Variants in PARD3B observed in about 807,000 individuals in gnomAD.
PARD3B encodes the protein par-3 family cell polarity regulator beta, also known as partitioning defective 3 homolog B.
PARD3B carries 103 observed loss-of-function variants against 130.2 expected under a neutral mutation model. The observed-to-expected ratio is 0.79, with a 90% CI of 0.67 to 0.93. The LOEUF is 0.93. PARD3B is among the 40% of genes least tolerant of loss of function. PARD3B has a pLI of 0.00. For missense variants in PARD3B, 1,609 were observed against 1,499.2 expected (o/e 1.07, Z -1.21); for synonymous variants, 583 against 553.2 (o/e 1.05, Z -0.76).
intron 2 of PARD3B, among the ~76,000 whole-genome samples, chr2:204,690,599 G>T (rs976443481): frequency 6.6e-6 from 1 of 151,988 alleles, no homozygotes; most frequent in African/African-American, 2.4e-5. Context: ...ATCAGTAAGG[G>T]AATGGATTCT....
chr2:204,792,727 G>A (rs2042240297), intron 2 of PARD3B, among the ~76,000 whole-genome samples: 1 of 152,020 alleles, frequency 6.6e-6, no homozygotes, highest in Non-Finnish European at 1.5e-5. Flanking sequence ...ATGAAGTCCT[G>A]GGCTTTCTTA....
intron 18 of PARD3B, among the ~76,000 whole-genome samples, chr2:205,344,185 T>C (rs2043655714): frequency 7.6e-6 from 1 of 130,818 alleles, no homozygotes; most frequent in African/African-American, 2.7e-5. Context: ...GGGAAATGTG[T>C]CAGTTGGTTT....
chr2:204,721,685 T>G (rs897796197), intron 2 of PARD3B, among the ~76,000 whole-genome samples: 6 of 152,138 alleles, frequency 3.9e-5, no homozygotes, highest in African/African-American at 1.4e-4. Context: ...AAAAGAAACT[T>G]GATAAAAATG....
chr2:205,152,398 A>G (rs1231408834), intron 10 of PARD3B, among the ~76,000 whole-genome samples: 2 of 152,208 alleles, frequency 1.3e-5, no homozygotes, highest in Non-Finnish European at 2.9e-5. Flanking sequence ...AGGTATACCA[A>G]TCAGACACAG....
At chr2:205,588,502 T>C (rs1399401383) in intron 22 of PARD3B, among the ~76,000 whole-genome samples, 1 of 150,614 alleles carries the variant, frequency 6.6e-6, no homozygotes, top group Non-Finnish European at 1.5e-5. Flanking sequence ...TTTTCAAGTG[T>C]GAGATTTTGT....
chr2:204,748,425 C>T (rs868848569), intron 2 of PARD3B, among the ~76,000 whole-genome samples: 1 of 152,062 alleles, frequency 6.6e-6, no homozygotes, highest in East Asian at 1.9e-4. Flanking sequence ...GCTATGACCT[C>T]GTGACATTTT....
At chr2:205,559,596 CTTTTTT>C (rs11319522) in intron 22 of PARD3B, among the ~76,000 whole-genome samples, 1 of 72,862 alleles carries the variant, frequency 1.4e-5, no homozygotes, top group Non-Finnish European at 2.8e-5. Flanking sequence ...GAAGTCCAGA[CTTTTTT>C]TTTTTTTTTT....
intron 18 of PARD3B, among the ~76,000 whole-genome samples, chr2:205,388,079 A>G (rs555915687): frequency 6.6e-6 from 1 of 152,242 alleles, no homozygotes; most frequent in East Asian, 1.9e-4. Flanking sequence ...AGTCACCCAC[A>G]TTTCTTTTAA....
In PARD3B at chr2:205,405,093, T is replaced by C. The variant is rs1183366608; in HGVS notation, c.2741+3970T>C. ...CATTTTGCTGCTATATATGGATAGTTTATCTATAGCTACATGTACTGAAAA... is the reference window on the plus strand; with the variant it reads ...CATTTTGCTGCTATATATGGATAGTCTATCTATAGCTACATGTACTGAAAA... On this transcript the variant is annotated intron_variant, in intron 19 of 22. Transcript: ENST00000406610. This position sits in a 1 kb window ranked among gnomAD's most constrained non-coding sequence, Gnocchi z 4.1. 6.6e-6 allele frequency among the ~76,000 whole-genome samples: 1 copy of C among 152,170 alleles called. No individual in the cohort carries two copies. Among genetic ancestry groups the C allele is most frequent in the Admixed American group, 6.5e-5 (1 of 15,276 alleles).
intron 20 of PARD3B, among the ~76,000 whole-genome samples, chr2:205,442,375 C>T (rs1424120520): frequency 5.5e-5 from 8 of 145,084 alleles, no homozygotes; most frequent in African/African-American, 1.6e-4. Flanking sequence ...CGCGGCTAAC[C>T]GCAACCTCTG....
In PARD3B at chr2:205,366,233, G is replaced by A. The variant is rs1044318927; in HGVS notation, c.2631-34780G>A. 2.6e-5 allele frequency among the ~76,000 whole-genome samples: 4 copies of A among 152,162 alleles called. No homozygotes were observed. The highest frequency in any genetic ancestry group is 9.7e-5 in the African/African-American group (4 of 41,422). The stretch of plus-strand genomic sequence containing the variant: ...TACATTCCATAAGCACCCATACACT[G>A]ATGGAAAGTGGAGACAGCCCATAGC... On this transcript the variant is annotated intron_variant, in intron 18 of 22. Transcript: ENST00000406610. The surrounding 1 kb of genome is among the most constrained non-coding windows in gnomAD (Gnocchi z 5.0).
intron 1 of PARD3B, among the ~76,000 whole-genome samples, chr2:204,560,796 G>C (rs1344687135): frequency 2.0e-5 from 3 of 152,092 alleles, no homozygotes; most frequent in Non-Finnish European, 4.4e-5. Flanking sequence ...GATTGCGCTA[G>C]AGAGTGGAGA....
At chr2:205,358,647 A>G (rs1331882770) in intron 18 of PARD3B, among the ~76,000 whole-genome samples, 4 of 152,180 alleles carry the variant, frequency 2.6e-5, no homozygotes, top group Non-Finnish European at 5.9e-5. Flanking sequence ...GCTTGAGCTT[A>G]TTCTCAGATT....
chr2:204,797,821 T>G (rs1170944169), intron 2 of PARD3B, among the ~76,000 whole-genome samples: 1 of 152,176 alleles, frequency 6.6e-6, no homozygotes, highest in Admixed American at 6.5e-5. Flanking sequence ...TAGGAGAAAT[T>G]CTCTCTATAA....
chr2:205,388,480 G>C (rs1035616648), intron 18 of PARD3B, among the ~76,000 whole-genome samples: 1 of 152,134 alleles, frequency 6.6e-6, no homozygotes, highest in Non-Finnish European at 1.5e-5. Context: ...ATCACTATGC[G>C]CTAAGCTACC....
intron 22 of PARD3B, among the ~76,000 whole-genome samples, chr2:205,593,963 GAA>G (rs1247090016): frequency 1.3e-5 from 2 of 152,202 alleles, no homozygotes; most frequent in Admixed American, 6.5e-5. Context: ...CTTATGAGAA[GAA>G]AAGCACATAT....
intron 2 of PARD3B, among the ~76,000 whole-genome samples, chr2:204,855,029 A>G (rs1246853789): frequency 2.0e-5 from 3 of 152,184 alleles, no homozygotes; most frequent in Non-Finnish European, 4.4e-5. Flanking sequence ...GGGCTCACAG[A>G]TTGGTTGGAT....
chr2:204,957,867 A>G (rs144783682), intron 2 of PARD3B, among the ~76,000 whole-genome samples: 1 of 152,094 alleles, frequency 6.6e-6, no homozygotes, highest in Non-Finnish European at 1.5e-5. Context: ...GTTTATTAAG[A>G]TTTGAGACAA....
intron 4 of PARD3B, among the ~76,000 whole-genome samples, chr2:205,048,915 C>T (rs953422586): frequency 1.3e-5 from 2 of 152,118 alleles, no homozygotes; most frequent in Non-Finnish European, 2.9e-5. Context: ...TGTATGTGTT[C>T]TATTTTAATG....
Sources: gnomAD v4.1 joint callset for allele counts (sites outside exome capture counted in the v4.1 genomes callset) on GRCh38, gnomAD v4.1.1 for gene constraint, Gnocchi (gnomAD v3.1) non-coding constraint, MANE v1.5 for transcripts, NCBI Gene and HGNC (gene_info 2026-07-23, HGNC 2026-07-21) for gene names.